TENT4A: variants seen among roughly 807,000 people sequenced by gnomAD.
The protein encoded by TENT4A is terminal nucleotidyltransferase 4A.
Under a neutral mutation model 72.8 loss-of-function variants are expected in TENT4A, and 7 were observed. That is an observed-to-expected ratio of 0.10 (90% confidence interval 0.05 to 0.18). The LOEUF is 0.18. Among genes scored for constraint, TENT4A ranks in the 10% least tolerant of loss-of-function variants. TENT4A has a pLI of 1.00. For synonymous variants in TENT4A, 456 were observed against 434.3 expected (o/e 1.05, Z -0.62); for missense variants, 831 against 1,017.7 (o/e 0.82, Z 2.50).
chr5:6,746,867 G>A (rs1047162467), intron 7 of TENT4A, among the ~76,000 whole-genome samples: 1 of 152,112 alleles, frequency 6.6e-6, no homozygotes, highest in Non-Finnish European at 1.5e-5. Flanking sequence ...TTTGTCACTT[G>A]GCTTTTGACT....
At chr5:6,738,409 C>T (rs536367600) in intron 2 of TENT4A, among the ~76,000 whole-genome samples, 77 of 152,338 alleles carry the variant, frequency 5.1e-4, no homozygotes, top group African/African-American at 1.9e-3. Context: ...TTGAAGCTAG[C>T]TCTGAAAAGT....
chr5:6,751,938 C>T (rs942580102), intron 11 of TENT4A, among the ~76,000 whole-genome samples: 41 of 152,162 alleles, frequency 2.7e-4, no homozygotes, highest in African/African-American at 7.7e-4. Context: ...GTGATTCTGG[C>T]GGAGCTTCTG....
chr5:6,714,912 A>C (rs1302189273), intron 1 of TENT4A: 1 of 272,020 alleles, frequency 3.7e-6, no homozygotes, highest in Non-Finnish European at 6.8e-6. Context: ...GTAACAGTCC[A>C]AGAAAAGGGG....
At chr5:6,725,376 G>A (rs1312732509) in intron 1 of TENT4A, among the ~76,000 whole-genome samples, 1 of 152,200 alleles carries the variant, frequency 6.6e-6, no homozygotes, top group Non-Finnish European at 1.5e-5. Context: ...AGTGATGTCT[G>A]TCTTCTCAGG....
At chr5:6,716,144 C>A (rs1442061399) in intron 1 of TENT4A, among the ~76,000 whole-genome samples, 1 of 152,174 alleles carries the variant, frequency 6.6e-6, no homozygotes, top group African/African-American at 2.4e-5. Flanking sequence ...CCATGCACCT[C>A]ACTTGGGCTC....
chr5:6,745,073 C>T (rs1359569815), intron 6 of TENT4A, among the ~76,000 whole-genome samples: 1 of 152,182 alleles, frequency 6.6e-6, no homozygotes, highest in Non-Finnish European at 1.5e-5. Flanking sequence ...CTTGTCCTGC[C>T]TCAGCGGTGT....
At chr5:6,750,083 A>G (rs865775247) in intron 9 of TENT4A, among the ~76,000 whole-genome samples, 5 of 152,254 alleles carry the variant, frequency 3.3e-5, no homozygotes, top group East Asian at 1.9e-4. Context: ...TACTTGATCT[A>G]TATTTAGATT....
At chr5:6,729,150 C>T (rs1024777226) in intron 1 of TENT4A, among the ~76,000 whole-genome samples, 1 of 152,212 alleles carries the variant, frequency 6.6e-6, no homozygotes, top group Admixed American at 6.5e-5. Flanking sequence ...AGTGTGGCTT[C>T]CAGCTCAGTG....
chr5:6,733,370 GC>G (rs1700301681), intron 1 of TENT4A, among the ~76,000 whole-genome samples: 1 of 152,240 alleles, frequency 6.6e-6, no homozygotes, highest in Non-Finnish European at 1.5e-5. Flanking sequence ...TGCCTGGGGG[GC>G]AGCAGGGCCC....
At chr5:6,734,138 G>A (rs775110640) in intron 1 of TENT4A, among the ~76,000 whole-genome samples, 11 of 152,244 alleles carry the variant, frequency 7.2e-5, no homozygotes, top group Non-Finnish European at 1.2e-4. Context: ...GCGCTGTTGC[G>A]TCCATCCACA....
chr5:6,737,233 A>G (rs575431768), intron 1 of TENT4A, among the ~76,000 whole-genome samples: 4 of 152,370 alleles, frequency 2.6e-5, no homozygotes, highest in Admixed American at 6.5e-5. Flanking sequence ...TTTTTTCAAT[A>G]TAAAGTCACT....
chr5:6,754,700 G>T (rs780778221), intron 12 of TENT4A, 51 bp from the exon 13 acceptor site: 3 of 1,446,512 alleles, frequency 2.1e-6, no homozygotes, highest in Non-Finnish European at 2.8e-6. Context: ...GAGGACGTGG[G>T]CATTGTGCCT....
intron 1 of TENT4A, 27 bp downstream of exon 1, chr5:6,714,726 C>T (rs924503950): frequency 1.7e-6 from 2 of 1,157,926 alleles, no homozygotes; most frequent in Non-Finnish European, 2.1e-6. Context: ...GCCGCGGGGG[C>T]GGGGGCGGGG....
rs1190310276 is a variant in TENT4A at position 6,737,652 on chromosome 5, G to T, written c.840+19G>T. The T allele has an allele frequency of 6.2e-7, 1 of 1,609,564 alleles. No individual in the cohort carries two copies. Among genetic ancestry groups the T allele is most frequent in the Admixed American group, 1.7e-5 (1 of 58,508 alleles). On this transcript the variant is annotated intron_variant, in intron 2 of 12. Transcript: ENST00000230859. The stretch of plus-strand genomic sequence containing the variant: ...GGCTGATGTGAGTATGTTCTTTGGA[G>T]TTCTGTGTCGCACGTCACGTGCGAG...
intron 1 of TENT4A, chr5:6,715,001 C>T (rs959293388): frequency 5.3e-6 from 1 of 188,404 alleles, no homozygotes; most frequent in Non-Finnish European, 1.1e-5. Flanking sequence ...ACCCCTCCAC[C>T]CCGCCTCCGG....
At position 6,752,972 on chromosome 5, in the gene TENT4A, A is replaced by G. The variant is rs1406161702; in HGVS notation, c.2119A>G (p.Met707Val). 2.5e-6 allele frequency: 4 copies of G among 1,614,044 alleles called. No individual in the cohort carries two copies. The highest frequency in any genetic ancestry group is 2.7e-5 in the African/African-American group (2 of 74,982). The change falls in exon 12 of 13, where the codon ATG (methionine) becomes GTG (valine). Residue 707 changes from methionine (M) to valine (V), a missense_variant. Coordinates refer to ENST00000230859, the MANE Select transcript of TENT4A (RefSeq NM_006999.6). Reference sequence around the variant, plus strand: ...TGCGTCTTTGAAAGCCGTCCACCACATGTCTTCCCCGGCCATTCCCTCAGC... The same window carrying G: ...TGCGTCTTTGAAAGCCGTCCACCACGTGTCTTCCCCGGCCATTCCCTCAGC... ...GTASLKAVHH[M>V]SSPAIPSASP...
intron 3 of TENT4A, among the ~76,000 whole-genome samples, chr5:6,739,386 G>A (rs561582047): frequency 4.6e-5 from 7 of 152,326 alleles, no homozygotes; most frequent in Admixed American, 1.3e-4. Flanking sequence ...GTGATCCAGC[G>A]TAGGCAGTGC....
At position 6,755,056 on chromosome 5, in the gene TENT4A, A is replaced by ACGCC; in HGVS notation, c.*116_*119dup. The ACGCC allele has an allele frequency of 1.1e-6, 1 of 906,932 alleles. No individual in the cohort carries two copies. The highest frequency in any genetic ancestry group is 1.6e-6 in the Non-Finnish European group (1 of 628,974). The allele number at this position is 906,932 out of a possible 1,614,324, so 56.2% of individuals were successfully genotyped here. A position where few individuals can be genotyped will look rare whatever the true frequency, so the allele number is the denominator to read the frequency against. On this transcript the variant is annotated 3_prime_UTR_variant, in exon 13 of 13. Coordinates refer to ENST00000230859, the MANE Select transcript of TENT4A (RefSeq NM_006999.6). ...CCCGCACGTCAGCCGGGCTCGCGGCACGCCCGCCGCTGATCACTCTGCATG... is the reference window on the plus strand; with the variant it reads ...CCCGCACGTCAGCCGGGCTCGCGGCACGCCCGCCCGCCGCTGATCACTCTGCATG...
At chr5:6,717,068 G>C (rs571002207) in intron 1 of TENT4A, among the ~76,000 whole-genome samples, 1 of 152,356 alleles carries the variant, frequency 6.6e-6, no homozygotes, top group Admixed American at 6.5e-5. Flanking sequence ...CCTGTGGCTA[G>C]AGGAGGTAAG....
Sources: allele counts gnomAD v4.1 joint callset (sites outside exome capture counted in the v4.1 genomes callset), GRCh38; gene constraint gnomAD v4.1.1; transcripts MANE v1.5; gene names NCBI Gene and HGNC (gene_info 2026-07-23, HGNC 2026-07-21).